Variants in RBFOX1 observed in about 807,000 individuals in gnomAD.
RBFOX1 encodes RNA binding protein fox-1 homolog 1.
Under a neutral mutation model 57.7 loss-of-function variants are expected in RBFOX1, and 8 were observed. The ratio of observed to expected loss-of-function variants is 0.14; its 90% CI spans 0.08 to 0.25. RBFOX1 has a LOEUF of 0.25. RBFOX1 is among the 10% of genes least tolerant of loss of function. RBFOX1 has a pLI of 1.00. For missense variants in RBFOX1, 611 were observed against 548.5 expected, an observed-to-expected ratio of 1.11 and a Z score of -1.14; for synonymous variants, 326 against 222.4, an observed-to-expected ratio of 1.47 and a Z score of -4.15.
intron 3 of RBFOX1, among the ~76,000 whole-genome samples, chr16:6,954,184 T>G (rs1568057596): frequency 6.6e-6 from 1 of 152,202 alleles, no homozygotes; most frequent in Non-Finnish European, 1.5e-5. Context: ...TGTCAAAAAG[T>G]TACTCACATA....
At chr16:6,659,808 T>C (rs1171011902) in intron 3 of RBFOX1, among the ~76,000 whole-genome samples, 6 of 152,174 alleles carry the variant, frequency 3.9e-5, no homozygotes, top group Non-Finnish European at 5.9e-5. Context: ...AGATGTCTTC[T>C]GGCTTTGAGG....
chr16:7,197,589 C>T (rs184821731), intron 4 of RBFOX1, among the ~76,000 whole-genome samples: 1 of 151,868 alleles, frequency 6.6e-6, no homozygotes, highest in Non-Finnish European at 1.5e-5. Flanking sequence ...TTTGCAGTAA[C>T]ATTGAAAACA....
At chr16:7,057,208 C>A (rs1598328592) in intron 4 of RBFOX1, among the ~76,000 whole-genome samples, 1 of 152,140 alleles carries the variant, frequency 6.6e-6, no homozygotes, top group African/African-American at 2.4e-5. Flanking sequence ...AGGGCAGGCT[C>A]TGTATTTGAT....
chr16:6,321,143 A>C (rs2081738983), intron 2 of RBFOX1, among the ~76,000 whole-genome samples: 1 of 152,184 alleles, frequency 6.6e-6, no homozygotes, highest in African/African-American at 2.4e-5. Flanking sequence ...AATTGCACAT[A>C]TTCATGGGGT....
intron 3 of RBFOX1, among the ~76,000 whole-genome samples, chr16:6,727,761 G>A (rs192129965): frequency 1.0e-3 from 154 of 152,258 alleles, no homozygotes; most frequent in African/African-American, 3.7e-3. Context: ...GAGTTCAGTA[G>A]CATCCGTCCA....
Position 6,752,830 on chromosome 16 carries a change from TA to T in RBFOX1, c.-16+98181del, listed in dbSNP as rs1324268890. ...ATTCCTACTCCTATTTTTTTTTTTT[TA>T]GCAGGGTTCTGTGTTCTCTGTCAGC... is the stretch of plus-strand genomic sequence containing the variant. On this transcript the variant is annotated intron_variant, in intron 3 of 15. Coordinates refer to ENST00000550418, the MANE Select transcript of RBFOX1 (RefSeq NM_018723.4). Among the ~76,000 whole-genome samples the T allele has an allele frequency of 1.4e-4, 20 of 138,290 alleles. No homozygotes were observed. The Middle Eastern group carries it at 0.011, about 74-fold the overall frequency. The allele number at this position is 138,290 out of a possible 152,430, so 90.7% of individuals were successfully genotyped here.
At position 7,037,445 on chromosome 16, in the gene RBFOX1, G is replaced by T. The variant is rs537173297; in HGVS notation, c.-15-14612G>T. ...TTACCCAGCCCCTATTCAAGATGGAGTTGCTCTGGTTCATAAACCTCTGAC... is the reference window on the plus strand; with the variant it reads ...TTACCCAGCCCCTATTCAAGATGGATTTGCTCTGGTTCATAAACCTCTGAC... On this transcript the variant is annotated intron_variant, in intron 3 of 15. Transcript: ENST00000550418. 2.0e-5 allele frequency among the ~76,000 whole-genome samples: 3 copies of T among 152,050 alleles called. No homozygotes were observed. In the South Asian group the frequency reaches 6.2e-4, roughly 32 times the overall value.
chr16:6,140,222 A>T (rs1462189200), intron 1 of RBFOX1, among the ~76,000 whole-genome samples: 1 of 142,880 alleles, frequency 7.0e-6, no homozygotes, highest in African/African-American at 2.6e-5. Flanking sequence ...ACGGAGTTTC[A>T]TGCTTCTCAC....
intron 4 of RBFOX1, among the ~76,000 whole-genome samples, chr16:6,011,873 T>C (rs759361967): frequency 2.0e-5 from 3 of 152,130 alleles, no homozygotes; most frequent in African/African-American, 7.2e-5. Context: ...CTTTGTTAGT[T>C]TGAGGTAAAA....
At chr16:6,846,465 G>C (rs1329349398) in intron 3 of RBFOX1, among the ~76,000 whole-genome samples, 2 of 152,172 alleles carry the variant, frequency 1.3e-5, no homozygotes, top group African/African-American at 4.8e-5. Flanking sequence ...AGACACCTGG[G>C]TCATAATGAG....
chr16:6,048,534 A>T (rs997971923), intron 1 of RBFOX1, among the ~76,000 whole-genome samples: 3 of 152,148 alleles, frequency 2.0e-5, no homozygotes, highest in Admixed American at 6.6e-5. Flanking sequence ...TGGAAAGGTT[A>T]TTATTAATAA....
At chr16:6,463,791 C>T (rs1050040431) in intron 2 of RBFOX1, among the ~76,000 whole-genome samples, 1 of 152,162 alleles carries the variant, frequency 6.6e-6, no homozygotes, top group African/African-American at 2.4e-5. Context: ...CAGCAAAGCA[C>T]ACTGAATCAC....
rs188220527 is a variant in RBFOX1, at chr16:5,467,494, C to A, written c.258+240C>A. Among the ~76,000 whole-genome samples the A allele has an allele frequency of 2.0e-5, 3 of 152,018 alleles. No individual in the cohort carries two copies. The East Asian group carries it at 5.8e-4, about 29-fold the overall frequency. ...AGCTCCAGAAATGAAGTCATTTTTG[C>A]CAGGGTTGAGGGGTAGGCAGGCAGT... On this transcript the variant is annotated intron_variant, in intron 2 of 2. Coordinates refer to the RBFOX1 transcript ENST00000585867.
At chr16:7,688,260 TGAGAGAGAGA>T (rs141940868) in intron 14 of RBFOX1, among the ~76,000 whole-genome samples, 2 of 125,296 alleles carry the variant, frequency 1.6e-5, no homozygotes, top group African/African-American at 5.9e-5. Flanking sequence ...TGTGTGTGTG[TGAGAGAGAGA>T]GAGAGAGAGA....
At chr16:5,881,738 C>G (rs549740579) in intron 4 of RBFOX1, among the ~76,000 whole-genome samples, 6 of 152,048 alleles carry the variant, frequency 3.9e-5, no homozygotes, top group African/African-American at 1.4e-4. Context: ...ATTTTCCCCC[C>G]AATGCTAGGT....
At chr16:5,663,243 T>C (rs1175527736) in intron 3 of RBFOX1, among the ~76,000 whole-genome samples, 1 of 152,148 alleles carries the variant, frequency 6.6e-6, no homozygotes, top group Non-Finnish European at 1.5e-5. Context: ...CAGAATCTTG[T>C]TCTGTCACCC....
intron 2 of RBFOX1, among the ~76,000 whole-genome samples, chr16:5,503,496 G>A (rs1012104733): frequency 3.3e-5 from 5 of 152,190 alleles, no homozygotes; most frequent in Non-Finnish European, 7.3e-5. Context: ...GAGTGCAGTG[G>A]CGCATGGCGC....
intron 3 of RBFOX1, among the ~76,000 whole-genome samples, chr16:6,808,146 A>T (rs1345223639): frequency 7.3e-6 from 1 of 136,938 alleles, no homozygotes; most frequent in African/African-American, 3.0e-5. Flanking sequence ...TAATATGCAT[A>T]TTATACCTTA....
intron 3 of RBFOX1, among the ~76,000 whole-genome samples, chr16:6,815,925 T>C (rs2089968444): frequency 6.6e-6 from 1 of 152,228 alleles, no homozygotes; most frequent in Non-Finnish European, 1.5e-5. Context: ...AAGGACTGTC[T>C]TGAGAAGTAA....
Sources: allele counts gnomAD v4.1 joint callset (sites outside exome capture counted in the v4.1 genomes callset), GRCh38; gene constraint gnomAD v4.1.1; transcripts MANE v1.5; gene names NCBI Gene and HGNC (gene_info 2026-07-23, HGNC 2026-07-21).